Variants in ZNF423 observed in about 807,000 individuals in gnomAD.
ZNF423 encodes the protein zinc finger protein 423.
Under a neutral mutation model 95.8 loss-of-function variants are expected in ZNF423, and 12 were observed. The observed-to-expected ratio is 0.13, with a 90% confidence interval of 0.08 to 0.20. ZNF423 has a LOEUF of 0.20. ZNF423 is among the 10% of genes least tolerant of loss of function. ZNF423 has a pLI of 1.00. For synonymous variants in ZNF423, 749 were observed against 711.9 expected (o/e 1.05, Z -0.83); for missense variants, 1,316 against 1,737.1 (o/e 0.76, Z 4.31).
At chr16:49,555,942 C>A (rs189517537) in intron 5 of ZNF423, among the ~76,000 whole-genome samples, 14 of 152,192 alleles carry the variant, frequency 9.2e-5, no homozygotes, top group Non-Finnish European at 1.5e-4. Flanking sequence ...TGCCTCCTTT[C>A]CTTAACCCAA....
intron 7 of ZNF423, among the ~76,000 whole-genome samples, chr16:49,503,966 G>A (rs1967532204): frequency 6.6e-6 from 1 of 152,220 alleles, no homozygotes; most frequent in South Asian, 2.1e-4. Context: ...TTTTCTTAAA[G>A]CTGGGATGGA....
At chr16:49,617,674 A>ATACTTCCTGT (rs1971924345) in intron 5 of ZNF423, among the ~76,000 whole-genome samples, 1 of 151,852 alleles carries the variant, frequency 6.6e-6, no homozygotes, top group Non-Finnish European at 1.5e-5. Flanking sequence ...AAAAATGCAA[A>ATACTTCCTGT]TACTTCCTGT....
chr16:49,610,490 TATATA>T (rs1478526328), intron 5 of ZNF423, among the ~76,000 whole-genome samples: 1 of 152,130 alleles, frequency 6.6e-6, no homozygotes, highest in African/African-American at 2.4e-5. Flanking sequence ...AAGTTATGTG[TATATA>T]ATATAATACC....
chr16:49,722,755 C>T (rs563984542), intron 3 of ZNF423, among the ~76,000 whole-genome samples: 2 of 152,274 alleles, frequency 1.3e-5, no homozygotes, highest in East Asian at 3.9e-4. Context: ...TGAGCACCTA[C>T]TATGTGTTCT....
chr16:49,699,245 G>C (rs2032087086), intron 3 of ZNF423, among the ~76,000 whole-genome samples: 1 of 152,182 alleles, frequency 6.6e-6, no homozygotes, highest in African/African-American at 2.4e-5. Context: ...CGGCTGGCCG[G>C]CTCCCCCGGG....
At position 49,489,784 on chromosome 16, in the gene ZNF423, C is replaced by T. The variant is rs1472645569; in HGVS notation, c.*1491G>A. On this transcript the variant is annotated 3_prime_UTR_variant, in exon 8 of 8. Coordinates refer to ENST00000563137, the MANE Select transcript of ZNF423 (RefSeq NM_001379286.1). Reference sequence around the variant, plus strand: ...AAAAGTTAGCAAGGAAGGGTTTCCCCGTGCAAGTTCTGGCCTCTGATTGGC... The same window carrying T: ...AAAAGTTAGCAAGGAAGGGTTTCCCTGTGCAAGTTCTGGCCTCTGATTGGC... The T allele has an allele frequency of 2.6e-5, 4 of 152,312 alleles. No homozygotes were observed. Among genetic ancestry groups the T allele is most frequent in the Admixed American group, 6.5e-5 (1 of 15,274 alleles). 9.4% of individuals were successfully genotyped at this position (152,312 alleles called of 1,614,324 possible).
intron 3 of ZNF423, among the ~76,000 whole-genome samples, chr16:49,721,759 A>G (rs575631011): frequency 1.3e-5 from 2 of 152,312 alleles, no homozygotes; most frequent in Admixed American, 6.5e-5. Context: ...GGAAAGAAGC[A>G]AAAACCTCCT....
intron 3 of ZNF423, among the ~76,000 whole-genome samples, chr16:49,665,366 G>A (rs969891710): frequency 2.6e-5 from 4 of 152,156 alleles, no homozygotes; most frequent in Non-Finnish European, 5.9e-5. Flanking sequence ...TGTGGAGCTC[G>A]CAGCCTAGGT....
At chr16:49,521,738 A>C (rs961719699) in intron 7 of ZNF423, among the ~76,000 whole-genome samples, 1 of 152,234 alleles carries the variant, frequency 6.6e-6, no homozygotes, top group Non-Finnish European at 1.5e-5. Context: ...GGATGAAAAG[A>C]AACAGGCTTT....
At chr16:49,518,318 T>C (rs1490500449) in intron 7 of ZNF423, 26 of 397,892 alleles carry the variant, frequency 6.5e-5, no homozygotes, top group Admixed American at 6.1e-4. Flanking sequence ...TCATTGATAC[T>C]GTTTCTGAAT....
intron 2 of ZNF423, among the ~76,000 whole-genome samples, chr16:49,734,694 C>A (rs927631548): frequency 1.3e-5 from 2 of 152,204 alleles, no homozygotes; most frequent in African/African-American, 4.8e-5. Context: ...GGGACAGAAA[C>A]CGAACCAGTG....
intron 4 of ZNF423, among the ~76,000 whole-genome samples, chr16:49,629,224 T>C (rs993604331): frequency 4.6e-5 from 7 of 152,208 alleles, no homozygotes; most frequent in Admixed American, 3.3e-4. Flanking sequence ...TGTCTTTATA[T>C]TTATAGTCCA....
At chr16:49,854,251 G>GGAA in intron 1 of ZNF423, 2 of 985,424 alleles carry the variant, frequency 2.0e-6, no homozygotes, top group Non-Finnish European at 2.4e-6. Context: ...AAAAGGAGGA[G>GGAA]TAGGAACGGG....
Position 49,842,217 on chromosome 16 carries a change from G to A in ZNF423, c.40+13518C>T, listed in dbSNP as rs968853768. ...CGTGGCACTGCACTCCAGCCTGTGC[G>A]ACAGAGGAAGAGAAGGGAAGGGAAG... On this transcript the variant is annotated intron_variant, in intron 1 of 7. Coordinates refer to ENST00000563137, the MANE Select transcript of ZNF423 (RefSeq NM_001379286.1). Among the ~76,000 whole-genome samples, 6 of 135,896 alleles carry A rather than the reference G, an allele frequency of 4.4e-5. No homozygotes were observed. The East Asian group carries it at 6.9e-4, about 16-fold the overall frequency. The allele number at this position is 135,896 out of a possible 152,430, so 89.2% of individuals were successfully genotyped here.
chr16:49,614,904 G>A (rs1244226455), intron 5 of ZNF423, among the ~76,000 whole-genome samples: 1 of 152,204 alleles, frequency 6.6e-6, no homozygotes, highest in African/African-American at 2.4e-5. Context: ...GCTCTGGCGG[G>A]TGTATCACCT....
At chr16:49,726,325 T>C (rs1020972210) in intron 3 of ZNF423, among the ~76,000 whole-genome samples, 4 of 152,240 alleles carry the variant, frequency 2.6e-5, no homozygotes, top group African/African-American at 4.8e-5. Context: ...AAATCCAGAC[T>C]ACAGGCCCAC....
intron 3 of ZNF423, among the ~76,000 whole-genome samples, chr16:49,679,370 C>G (rs1299217396): frequency 1.3e-5 from 2 of 152,242 alleles, no homozygotes; most frequent in Admixed American, 1.3e-4. Context: ...CTGCAGCCAC[C>G]TAGCTCTTGG....
intron 3 of ZNF423, among the ~76,000 whole-genome samples, chr16:49,671,979 T>C (rs4785330): frequency 1 from 152,187 of 152,312 alleles, 76,031 homozygotes; most frequent in Middle Eastern, 1. Context: ...GCCACCGCGC[T>C]CAGCCCACAT....
intron 1 of ZNF423, among the ~76,000 whole-genome samples, chr16:49,845,996 A>C (rs1033130823): frequency 6.6e-6 from 1 of 152,108 alleles, no homozygotes; most frequent in Non-Finnish European, 1.5e-5. Flanking sequence ...AGGAGGTGGA[A>C]CCAGGACCAA....
Sources: gnomAD v4.1 joint callset for allele counts (sites outside exome capture counted in the v4.1 genomes callset) on GRCh38, gnomAD v4.1.1 for gene constraint, MANE v1.5 for transcripts, NCBI Gene and HGNC (gene_info 2026-07-23, HGNC 2026-07-21) for gene names.